The following VPS26C variants were observed in gnomAD, a reference collection of about 807,000 sequenced individuals.
VPS26C encodes vacuolar protein sorting-associated protein 26C.
Under a neutral mutation model 30.6 loss-of-function variants are expected in VPS26C, and 19 were observed. The ratio of observed to expected loss-of-function variants is 0.62; its 90% CI spans 0.43 to 0.91. The LOEUF is 0.91. Ranked by LOEUF, VPS26C falls within the 40% of genes least tolerant of loss-of-function variation. VPS26C has a pLI of 0.00. For missense variants in VPS26C, 318 were observed against 385.1 expected (o/e 0.83, Z 1.46); for synonymous variants, 132 against 151.5 (o/e 0.87, Z 0.95).
At chr21:37,267,066 A>AGCACCTGGCGGGGAC (rs1305849010) in intron 1 of VPS26C, 172 bp downstream of exon 1, 5 of 669,556 alleles carry the variant, frequency 7.5e-6, no homozygotes, top group Admixed American at 4.8e-5. Flanking sequence ...TCGCGCGGGA[A>AGCACCTGGCGGGGAC]GCACCTGGCG....
intron 7 of VPS26C, chr21:37,227,342 T>A (rs1368814812): frequency 6.1e-6 from 2 of 326,606 alleles, no homozygotes; most frequent in East Asian, 1.2e-4. Flanking sequence ...TGCCCATGTC[T>A]ACACAGAGCT....
At chr21:37,268,070 C>A (rs954732212), upstream of VPS26C, 1 of 152,266 alleles carries the variant, frequency 6.6e-6, no homozygotes, top group Non-Finnish European at 1.5e-5. Flanking sequence ...TCGCTCCTCT[C>A]GGAGCCGCGG....
rs1312590958 is a variant in VPS26C at position 37,257,357 on chromosome 21, G to C, written c.57+9881C>G. On this transcript the variant is annotated intron_variant, in intron 1 of 7. Transcript: ENST00000309117. The surrounding 1 kb of genome is among the most constrained non-coding windows in gnomAD (Gnocchi z 4.2). ...AGCGGCTTCTCGTGGGCGAGTCCCT[G>C]TTCGCAGGTGACGTGTGGACCACGC... Among the ~76,000 whole-genome samples, 1 of 152,252 alleles carries C rather than the reference G, an allele frequency of 6.6e-6. No individual in the cohort carries two copies. The highest frequency in any genetic ancestry group is 2.1e-4 in the South Asian group (1 of 4,828).
rs1214222545 is a variant in VPS26C, at chr21:37,233,317, G to A, written c.432+45C>T. 1 of 1,515,250 alleles carries A rather than the reference G, an allele frequency of 6.6e-7. No homozygotes were observed. The highest frequency in any genetic ancestry group is 1.7e-5 in the Admixed American group (1 of 59,838). The allele number at this position is 1,515,250 out of a possible 1,614,324, so 93.9% of individuals were successfully genotyped here. On this transcript the variant is annotated intron_variant, in intron 4 of 7. Coordinates refer to ENST00000309117, the MANE Select transcript of VPS26C (RefSeq NM_006052.2). This position sits in a 1 kb window ranked among gnomAD's most constrained non-coding sequence, Gnocchi z 5.2. ...ATAGGGTAAACTCTCAGACCCCATG[G>A]GAGATTCCTATCATTAAGCACCAGA...
At chr21:37,243,665 G>A (rs182669782) in intron 1 of VPS26C, among the ~76,000 whole-genome samples, 11 of 152,286 alleles carry the variant, frequency 7.2e-5, no homozygotes, top group African/African-American at 2.4e-4. Context: ...CTCATCTCTC[G>A]AAACTACCTG....
rs1185938986 is a variant in VPS26C, at chr21:37,240,722, C to T, written c.58-83G>A. The T allele has an allele frequency of 2.7e-6, 4 of 1,504,532 alleles. No homozygotes were observed. The Admixed American group carries it at 8.9e-5, about 33-fold the overall frequency. The allele number at this position is 1,504,532 out of a possible 1,614,324, so 93.2% of individuals were successfully genotyped here. ...TTTATTAGCAAACGTAGGTCTCCTT[C>T]ATCATCAATTTGTTTAAAGATCCAG... On this transcript the variant is annotated intron_variant, in intron 1 of 7. Coordinates refer to ENST00000309117, the MANE Select transcript of VPS26C (RefSeq NM_006052.2).
At chr21:37,240,707 A>G (rs1470174891) in intron 1 of VPS26C, 68 bp from the exon 2 acceptor site, 1 of 1,551,454 alleles carries the variant, frequency 6.4e-7, no homozygotes, top group African/African-American at 1.4e-5. Flanking sequence ...TTTATTAGCA[A>G]ACGTAGGTCT....
intron 1 of VPS26C, among the ~76,000 whole-genome samples, chr21:37,265,910 CTTTTTTTTTTT>C (rs59649054): frequency 2.6e-5 from 2 of 77,240 alleles, no homozygotes; most frequent in Admixed American, 1.7e-4. Flanking sequence ...AGCTTTTTCT[CTTTTTTTTTTT>C]TTTTTTTTTT....
At chr21:37,265,846 ATTG>A (rs375146926) in intron 1 of VPS26C, among the ~76,000 whole-genome samples, 245 of 148,928 alleles carry the variant, frequency 1.6e-3, no homozygotes, top group African/African-American at 5.4e-3. Flanking sequence ...AGTGGTGTTC[ATTG>A]TTGTGCTTGG....
At chr21:37,242,843 C>T (rs975450510) in intron 1 of VPS26C, among the ~76,000 whole-genome samples, 10 of 151,760 alleles carry the variant, frequency 6.6e-5, no homozygotes, top group East Asian at 1.9e-4. Context: ...ATCCCTGCAG[C>T]GTAGGAGGAA....
intron 1 of VPS26C, chr21:37,266,673 T>A (rs2086365550): frequency 6.5e-6 from 1 of 153,058 alleles, no homozygotes; most frequent in Non-Finnish European, 1.5e-5. Context: ...ACTTGCATTT[T>A]AATAGCCATT....
chr21:37,232,852 T>G (rs193111369), intron 4 of VPS26C, among the ~76,000 whole-genome samples: 1 of 152,296 alleles, frequency 6.6e-6, no homozygotes, highest in Non-Finnish European at 1.5e-5. Flanking sequence ...AGTGGCCTGC[T>G]CAGCTCAGTG....
rs765219987 is a variant in VPS26C at position 37,227,784 on chromosome 21, G to A, written c.681C>T (p.Arg227=). The A allele has an allele frequency of 1.2e-5, 19 of 1,613,930 alleles. No individual in the cohort carries two copies. The highest frequency in any genetic ancestry group is 1.7e-5 in the Admixed American group (1 of 60,006). Residue 227 remains arginine (R), a synonymous_variant, in exon 7 of 8, where the codon CGC becomes CGT. Coordinates refer to ENST00000309117, the MANE Select transcript of VPS26C (RefSeq NM_006052.2). ...GAATGTTCTGAATCTCCGTGGCGTC[G>A]CGGGCATAGCCTTCTGCACACCCTG... ...ETCGCAEGYA[R]DATEIQNIQI... is the part of the protein sequence containing the mutation.
At chr21:37,246,584 A>C (rs1238742999) in intron 1 of VPS26C, among the ~76,000 whole-genome samples, 1 of 152,230 alleles carries the variant, frequency 6.6e-6, no homozygotes, top group Non-Finnish European at 1.5e-5. Flanking sequence ...TGTAAGAAGA[A>C]GACTGAGATA....
At chr21:37,256,557 T>C (rs527996786) in intron 1 of VPS26C, among the ~76,000 whole-genome samples, 1 of 152,372 alleles carries the variant, frequency 6.6e-6, no homozygotes, top group Non-Finnish European at 1.5e-5. Flanking sequence ...CAACCATTTG[T>C]AACTTACCAG....
Position 37,228,319 on chromosome 21 carries a change from C to T in VPS26C, c.562G>A (p.Val188Ile), listed in dbSNP as rs764891843. 6.2e-7 allele frequency: 1 copy of T among 1,614,074 alleles called. No individual in the cohort carries two copies. Among genetic ancestry groups the T allele is most frequent in the African/African-American group, 1.3e-5 (1 of 74,934 alleles). ...TCTCCCGTTAGTGGCTGCGTGATGACACAGTTTGTTGAGTTGAGATGTCCT... is the reference window on the plus strand; with the variant it reads ...TCTCCCGTTAGTGGCTGCGTGATGATACAGTTTGTTGAGTTGAGATGTCCT... Reference protein sequence around the residue: ...LRGHLNSTNCVITQPLTGELV... With the variant: ...LRGHLNSTNCIITQPLTGELV... Residue 188 changes from valine to isoleucine, a missense_variant, in exon 6 of 8, where the codon GTC becomes ATC. Val to Ile is a conservative substitution (Grantham distance 29, BLOSUM62 3). Coordinates refer to ENST00000309117, the MANE Select transcript of VPS26C (RefSeq NM_006052.2).
In VPS26C at chr21:37,238,488, G is replaced by A. The variant is rs766634652; in HGVS notation, c.323C>T (p.Thr108Met). 9 of 1,614,092 alleles carry A rather than the reference G, an allele frequency of 5.6e-6. No individual in the cohort carries two copies. Among genetic ancestry groups the A allele is most frequent in the South Asian group, 4.4e-5 (4 of 91,060 alleles). The change falls in exon 3 of 8, where the codon ACG (threonine) becomes ATG (methionine). Residue 108 changes from threonine (T) to methionine (M), a missense_variant. Coordinates refer to ENST00000309117, the MANE Select transcript of VPS26C (RefSeq NM_006052.2). ...AATGTTGACAAACACGCCATGATAC[G>A]TCTCATACAGAACTTTGTTACCCTT... ...HLKGNKVLYETYHGVFVNIQY... is the reference protein window; with the variant it reads ...HLKGNKVLYEMYHGVFVNIQY...
At position 37,233,349 on chromosome 21, in the gene VPS26C, G is replaced by A. The variant is rs1389679561; in HGVS notation, c.432+13C>T. ...CCTATCATTAAGCACCAGAGTCCCC[G>A]AGTGAAGCTTACAGCGGAGTGAACG... On this transcript the variant is annotated intron_variant, in intron 4 of 7. Transcript: ENST00000309117. The surrounding 1 kb of genome is among the most constrained non-coding windows in gnomAD (Gnocchi z 5.2). 2.7e-5 allele frequency: 43 copies of A among 1,611,296 alleles called. No individual in the cohort carries two copies. Among genetic ancestry groups the A allele is most frequent in the South Asian group, 3.3e-5 (3 of 91,000 alleles).
At chr21:37,227,578 G>A in intron 7 of VPS26C, 76 bp downstream of exon 7, 1 of 1,549,236 alleles carries the variant, frequency 6.5e-7, no homozygotes, top group Admixed American at 1.7e-5. Context: ...TCTGAGCTCT[G>A]TGACCCACAG....
Sources: gnomAD v4.1 joint callset for allele counts (sites outside exome capture counted in the v4.1 genomes callset) on GRCh38, gnomAD v4.1.1 for gene constraint, Gnocchi (gnomAD v3.1) non-coding constraint, MANE v1.5 for transcripts, NCBI Gene and HGNC (gene_info 2026-07-23, HGNC 2026-07-21) for gene names.